The following CFAP70 variants were observed in gnomAD, a reference collection of about 807,000 sequenced individuals.
The protein encoded by CFAP70 is cilia- and flagella-associated protein 70.
In CFAP70, 81 loss-of-function variants were observed where a neutral mutation model predicts 137.6. The observed-to-expected ratio is 0.59, with a 90% CI of 0.49 to 0.71. The LOEUF is 0.71. CFAP70 is among the 30% of genes least tolerant of loss of function. The pLI is 0.00. For missense variants in CFAP70, 976 were observed against 1,226.7 expected (o/e 0.80, Z 3.05); for synonymous variants, 382 against 423.6 (o/e 0.90, Z 1.20).
At chr10:73,353,374 G>C (rs1317090141) in intron 3 of CFAP70, among the ~76,000 whole-genome samples, 182 bp downstream of exon 3, 1 of 152,124 alleles carries the variant, frequency 6.6e-6, no homozygotes, top group African/African-American at 2.4e-5. Flanking sequence ...CACACCAATG[G>C]CAGCTGTTCA....
rs777411852 is a variant in CFAP70, at chr10:73,353,574, C to T, written c.232G>A (p.Ala78Thr). 1.2e-5 allele frequency: 19 copies of T among 1,613,898 alleles called. No individual in the cohort carries two copies. The highest frequency in any genetic ancestry group is 9.3e-5 in the African/African-American group (7 of 74,902). Residue 78 changes from alanine to threonine, a missense_variant, in exon 3 of 27, where the codon GCT becomes ACT. Transcript: ENST00000310715. ...GACTTACAGAACACAGGTTTGTGAG[C>T]GAGGTCATCTGAAGTGATTCCTCCT...
chr10:73,359,903 AAC>A (rs573807541), upstream of CFAP70, among the ~76,000 whole-genome samples: 7 of 151,644 alleles, frequency 4.6e-5, no homozygotes, highest in African/African-American at 1.5e-4. Context: ...ACTAAAAAAA[AAC>A]ACACACACAC....
intron 5 of CFAP70, 111 bp from the exon 7 acceptor site, chr10:73,341,692 C>G: frequency 2.2e-6 from 2 of 895,646 alleles, no homozygotes; most frequent in East Asian, 2.5e-5. Flanking sequence ...CAAACATACC[C>G]CTCTACGATT....
At chr10:73,266,170 T>C (rs2045742888) in intron 25 of CFAP70, among the ~76,000 whole-genome samples, 1 of 152,178 alleles carries the variant, frequency 6.6e-6, no homozygotes, top group African/African-American at 2.4e-5. Context: ...TTGATTTTTA[T>C]ATTGATTTTT....
At position 73,275,401 on chromosome 10, in the gene CFAP70, A is replaced by G; in HGVS notation, c.2673+45T>C. The G allele has an allele frequency of 3.9e-6, 6 of 1,535,174 alleles. No individual in the cohort carries two copies. The highest frequency in any genetic ancestry group is 5.2e-6 in the Non-Finnish European group (6 of 1,145,838). ...TGATATGGCATCACCACCTTTAAAT[A>G]AAGCCCCTTCTCCAGACTCAAGAGG... On this transcript the variant is annotated intron_variant, in intron 22 of 26. Transcript: ENST00000310715. This position sits in a 1 kb window ranked among gnomAD's most constrained non-coding sequence, Gnocchi z 4.0.
chr10:73,311,072 G>A (rs1004082081), intron 11 of CFAP70, among the ~76,000 whole-genome samples: 1 of 152,164 alleles, frequency 6.6e-6, no homozygotes, highest in African/African-American at 2.4e-5. Context: ...TCTCCAAGAA[G>A]AGGTTCAAGA....
At chr10:73,313,668 C>G (rs2050115744) in intron 9 of CFAP70, among the ~76,000 whole-genome samples, 1 of 151,810 alleles carries the variant, frequency 6.6e-6, no homozygotes, top group Admixed American at 6.6e-5. Flanking sequence ...CATGGTGAAA[C>G]CCTGTCTCTA....
In CFAP70 at chr10:73,299,207, T is replaced by A. The variant is rs2048755426; in HGVS notation, c.1318-106A>T. Reference sequence around the variant, plus strand: ...TATGTTCCATGATACTTTATTAGTTTGTTTGTTTGTTTGTTTGTTTTAGAG... The same window carrying A: ...TATGTTCCATGATACTTTATTAGTTAGTTTGTTTGTTTGTTTGTTTTAGAG... On this transcript the variant is annotated intron_variant, in intron 13 of 26. Transcript: ENST00000310715. 6 of 754,286 alleles carry A rather than the reference T, an allele frequency of 8.0e-6. No homozygotes were observed. In the East Asian group the frequency reaches 1.1e-4, roughly 14 times the overall value. 46.7% of individuals were successfully genotyped at this position (754,286 alleles called of 1,614,324 possible).
upstream of CFAP70, among the ~76,000 whole-genome samples, chr10:73,359,667 A>G (rs370193709): frequency 2.6e-5 from 4 of 152,188 alleles, no homozygotes; most frequent in African/African-American, 9.7e-5. Context: ...TTTGACAACT[A>G]CTGAGGAGGA....
chr10:73,342,753 T>C (rs2053358143), intron 5 of CFAP70, among the ~76,000 whole-genome samples: 1 of 151,782 alleles, frequency 6.6e-6, no homozygotes, highest in South Asian at 2.1e-4. Context: ...AGAGTTATAT[T>C]TTATCACATA....
intron 7 of CFAP70, among the ~76,000 whole-genome samples, chr10:73,334,275 T>C (rs1250094553): frequency 1.3e-5 from 2 of 152,232 alleles, no homozygotes; most frequent in African/African-American, 4.8e-5. Flanking sequence ...TAAAACACTT[T>C]ATTGTCTAGC....
intron 12 of CFAP70, among the ~76,000 whole-genome samples, chr10:73,301,203 A>G (rs2048928052): frequency 6.6e-6 from 1 of 152,128 alleles, no homozygotes; most frequent in South Asian, 2.1e-4. Flanking sequence ...TAGTTTGGAT[A>G]TTTGTCCCCA....
intron 12 of CFAP70, among the ~76,000 whole-genome samples, chr10:73,309,088 G>A (rs2132070741): frequency 6.6e-6 from 1 of 152,206 alleles, no homozygotes; most frequent in African/African-American, 2.4e-5. Context: ...AAATCAATAA[G>A]CTTTAAAAGT....
At chr10:73,271,250 G>C (rs113281952) in intron 24 of CFAP70, among the ~76,000 whole-genome samples, 2,605 of 152,274 alleles carry the variant, frequency 0.017, 33 homozygotes, top group Non-Finnish European at 0.03. Flanking sequence ...GGTGGCTCAC[G>C]CCTGTAATCC....
chr10:73,269,479 T>C (rs2133698427), intron 25 of CFAP70, 135 bp downstream of exon 26: 2 of 538,680 alleles, frequency 3.7e-6, no homozygotes, highest in Middle Eastern at 3.5e-4. Context: ...TCCTTTGTCA[T>C]CAGCATAATG....
rs565604083 is a variant in CFAP70, at chr10:73,332,650, G to C, written c.678-1374C>G. 8.5e-5 allele frequency among the ~76,000 whole-genome samples: 13 copies of C among 152,252 alleles called. No homozygotes were observed. The South Asian group carries it at 2.7e-3, about 32-fold the overall frequency. On this transcript the variant is annotated intron_variant, in intron 7 of 26. Coordinates refer to ENST00000310715, the Ensembl canonical transcript of CFAP70. ...AATATAATAACAATGAATTACAACT[G>C]AGAGGGCTACAAACCCCTCTATTAG...
chr10:73,359,895 TA>T (rs112418911), upstream of CFAP70, among the ~76,000 whole-genome samples: 1 of 150,124 alleles, frequency 6.7e-6, no homozygotes, highest in African/African-American at 2.5e-5. Flanking sequence ...TGAAACACAC[TA>T]AAAAAAAACA....
chr10:73,273,702 A>G (rs2046480042), intron 23 of CFAP70, among the ~76,000 whole-genome samples: 1 of 152,226 alleles, frequency 6.6e-6, no homozygotes, highest in Admixed American at 6.5e-5. Context: ...TCTCAAGCCT[A>G]TGTGAGCTTT....
intron 8 of CFAP70, among the ~76,000 whole-genome samples, chr10:73,327,494 T>G (rs368886499): frequency 1.3e-5 from 2 of 151,800 alleles, no homozygotes; most frequent in African/African-American, 4.8e-5. Flanking sequence ...CCAGGGCAAT[T>G]AGGCAGGAGA....
Sources: allele counts gnomAD v4.1 joint callset (sites outside exome capture counted in the v4.1 genomes callset), GRCh38; gene constraint gnomAD v4.1.1; non-coding constraint Gnocchi (gnomAD v3.1); transcripts MANE v1.5; gene names NCBI Gene and HGNC (gene_info 2026-07-23, HGNC 2026-07-21).